Variants in DLG2 observed in about 807,000 individuals in gnomAD.
DLG2 encodes discs large MAGUK scaffold protein 2.
In DLG2, 45 loss-of-function variants were observed where a neutral mutation model predicts 132.5. That is an observed-to-expected ratio of 0.34 (90% confidence interval 0.27 to 0.44). The LOEUF (loss-of-function observed/expected upper bound fraction) is 0.44, where lower values mean the gene tolerates loss of function less well. Ranked by LOEUF, DLG2 falls within the 20% of genes least tolerant of loss-of-function variation. The pLI is 1.00. For missense variants in DLG2, 1,045 were observed against 1,196.9 expected (o/e 0.87, Z 1.87); for synonymous variants, 424 against 419.6 (o/e 1.01, Z -0.13).
intron 15 of DLG2, among the ~76,000 whole-genome samples, chr11:83,919,538 C>CT (rs1298006375): frequency 1.3e-5 from 2 of 152,096 alleles, no homozygotes; most frequent in Non-Finnish European, 2.9e-5. Context: ...TCTTATTTCT[C>CT]CTTTTTTACA....
At chr11:83,524,388 C>T (rs1592463434) in intron 21 of DLG2, among the ~76,000 whole-genome samples, 1 of 152,100 alleles carries the variant, frequency 6.6e-6, no homozygotes, top group South Asian at 2.1e-4. Flanking sequence ...TTTTAATAAG[C>T]ACCTCAGCTG....
intron 15 of DLG2, among the ~76,000 whole-genome samples, chr11:83,898,699 C>T (rs1369261305): frequency 2.0e-5 from 3 of 152,132 alleles, no homozygotes; most frequent in African/African-American, 7.2e-5. Flanking sequence ...CTATCCTTCT[C>T]CAATTACTCC....
At chr11:83,620,848 C>T (rs886942099) in intron 19 of DLG2, among the ~76,000 whole-genome samples, 1 of 109,460 alleles carries the variant, frequency 9.1e-6, no homozygotes. Context: ...CCAGCCTGGG[C>T]GACAGAGCGA....
intron 6 of DLG2, among the ~76,000 whole-genome samples, chr11:84,737,498 G>C: frequency 8.5e-6 from 1 of 116,988 alleles, no homozygotes; most frequent in African/African-American, 3.0e-5. Context: ...GAGAAAGAAA[G>C]AGACAGAGAG....
At chr11:84,419,754 A>C (rs1438930767) in intron 7 of DLG2, among the ~76,000 whole-genome samples, 3 of 152,208 alleles carry the variant, frequency 2.0e-5, no homozygotes, top group Admixed American at 6.5e-5. Flanking sequence ...TATTCATCGC[A>C]ATTAGCCTGT....
chr11:84,940,959 C>T (rs975792813), intron 6 of DLG2, among the ~76,000 whole-genome samples: 2 of 152,090 alleles, frequency 1.3e-5, no homozygotes, highest in African/African-American at 2.4e-5. Flanking sequence ...ATTCAGTTTT[C>T]CCAGGACTAT....
chr11:83,688,352 G>A (rs1412168288), intron 18 of DLG2, among the ~76,000 whole-genome samples: 8 of 152,082 alleles, frequency 5.3e-5, no homozygotes, highest in Admixed American at 2.0e-4. Flanking sequence ...AATGTCTGAG[G>A]ATTAAATGAG....
intron 12 of DLG2, among the ~76,000 whole-genome samples, chr11:83,971,382 A>G (rs909535345): frequency 1.3e-5 from 2 of 152,284 alleles, no homozygotes; most frequent in Non-Finnish European, 1.5e-5. Flanking sequence ...CATGATGCAG[A>G]CAAAGGAAGG....
chr11:83,782,930 C>T (rs1044068053), intron 18 of DLG2, among the ~76,000 whole-genome samples: 1 of 152,116 alleles, frequency 6.6e-6, no homozygotes, highest in Admixed American at 6.5e-5. Flanking sequence ...AGTGGCATTA[C>T]AGCAACTTCA....
At chr11:84,350,644 T>C (rs1163564005) in intron 7 of DLG2, among the ~76,000 whole-genome samples, 1 of 152,234 alleles carries the variant, frequency 6.6e-6, no homozygotes, top group African/African-American at 2.4e-5. Flanking sequence ...AGTTAGCATA[T>C]AGTAATCATT....
At chr11:84,681,130 T>C (rs1428291805) in intron 6 of DLG2, among the ~76,000 whole-genome samples, 1 of 152,218 alleles carries the variant, frequency 6.6e-6, no homozygotes, top group African/African-American at 2.4e-5. Context: ...AAACCTCTAT[T>C]TTCTTTAAAT....
intron 4 of DLG2, among the ~76,000 whole-genome samples, chr11:85,206,579 C>A (rs1310130240): frequency 6.6e-6 from 1 of 152,104 alleles, no homozygotes; most frequent in Non-Finnish European, 1.5e-5. Context: ...TAAATGTGAA[C>A]AGATATTTCT....
At chr11:83,510,027 G>C (rs1041222798) in intron 21 of DLG2, among the ~76,000 whole-genome samples, 2 of 152,204 alleles carry the variant, frequency 1.3e-5, no homozygotes, top group African/African-American at 4.8e-5. Flanking sequence ...GTGCAAATCA[G>C]AGGCAAGATT....
At chr11:85,299,180 G>A (rs2079432592) in intron 3 of DLG2, among the ~76,000 whole-genome samples, 2 of 152,192 alleles carry the variant, frequency 1.3e-5, no homozygotes, top group African/African-American at 4.8e-5. Flanking sequence ...TATGAGATAG[G>A]TATTATTTTT....
At position 84,227,982 on chromosome 11, in the gene DLG2, T is replaced by TCAAA. The variant is rs1225021752; in HGVS notation, c.573+23252_573+23255dup. Among the ~76,000 whole-genome samples the TCAAA allele has an allele frequency of 1.1e-4, 17 of 151,960 alleles. No individual in the cohort carries two copies. The East Asian group carries it at 3.3e-3, about 29-fold the overall frequency. On this transcript the variant is annotated intron_variant, in intron 8 of 27. Transcript: ENST00000376104. ...TTTTTTCACACCACAAAATCTGGAC[T>TCAAA]CAAAGTCTTGGATCTATGGTGGAAT...
chr11:85,123,833 T>C lies in DLG2; in HGVS notation c.283-12098A>G, dbSNP rs186990530. On this transcript the variant is annotated intron_variant, in intron 5 of 27. Coordinates refer to ENST00000376104, the MANE Select transcript of DLG2 (RefSeq NM_001142699.3). ...GAGATATGAGGGGCAAAGGTTATTT[T>C]CATAGGCTTTTGAATCTGGTACTAT... is the stretch of plus-strand genomic sequence containing the variant. Among the ~76,000 whole-genome samples the C allele has an allele frequency of 1.7e-3, 263 of 152,332 alleles. 1 individual carries two copies. Among genetic ancestry groups the C allele is most frequent in the African/African-American group, 6.2e-3 (257 of 41,578 alleles).
At chr11:84,090,240 C>T (rs1323349748) in intron 10 of DLG2, among the ~76,000 whole-genome samples, 1 of 151,696 alleles carries the variant, frequency 6.6e-6, no homozygotes, top group Admixed American at 6.6e-5. Context: ...ATGGTGAAAC[C>T]CCGTCTCTAC....
At position 83,794,685 on chromosome 11, in the gene DLG2, T is replaced by C. The variant is rs150217658; in HGVS notation, c.1723-7893A>G. ...TTATTTCATTTAATCCTCAGGAGGGTGGGATTATTTTTCCCATTTTACTGA... is the reference window on the plus strand; with the variant it reads ...TTATTTCATTTAATCCTCAGGAGGGCGGGATTATTTTTCCCATTTTACTGA... On this transcript the variant is annotated intron_variant, in intron 17 of 27. Coordinates refer to ENST00000376104, the MANE Select transcript of DLG2 (RefSeq NM_001142699.3). Among the ~76,000 whole-genome samples, 425 of 152,160 alleles carry C rather than the reference T, an allele frequency of 2.8e-3. 3 individuals carry two copies. Among genetic ancestry groups the C allele is most frequent in the Non-Finnish European group, 4.8e-3 (323 of 67,996 alleles).
chr11:84,367,982 G>C (rs1029631932), intron 7 of DLG2, among the ~76,000 whole-genome samples: 3 of 152,074 alleles, frequency 2.0e-5, no homozygotes, highest in South Asian at 2.1e-4. Flanking sequence ...TACTTACCCT[G>C]TACCTACATT....
Sources: allele counts gnomAD v4.1 joint callset (sites outside exome capture counted in the v4.1 genomes callset), GRCh38; gene constraint gnomAD v4.1.1; transcripts MANE v1.5; gene names NCBI Gene and HGNC (gene_info 2026-07-23, HGNC 2026-07-21).